Variants in GNG12 observed in about 807,000 individuals in gnomAD.
The protein encoded by GNG12 is guanine nucleotide-binding protein G(I)/G(S)/G(O) subunit gamma-12.
For missense variants in GNG12, 69 were observed against 83.8 expected, an observed-to-expected ratio of 0.82 and a Z score of 0.69; for synonymous variants, 28 against 29.7, an observed-to-expected ratio of 0.94 and a Z score of 0.19.
chr1:67,797,684 C>T (rs960073747), intron 1 of GNG12, among the ~76,000 whole-genome samples: 1 of 152,204 alleles, frequency 6.6e-6, no homozygotes, highest in Admixed American at 6.5e-5. Flanking sequence ...ACTCTCTACA[C>T]TTTGCCAGAA....
intron 1 of GNG12, chr1:67,832,443 TATGA>T (rs1461256187): frequency 1.3e-5 from 2 of 152,156 alleles, no homozygotes; most frequent in African/African-American, 4.8e-5. Flanking sequence ...TATCGTGAGT[TATGA>T]ATGATTTAAG....
At chr1:67,718,410 A>G (rs1276916644) in intron 2 of GNG12, among the ~76,000 whole-genome samples, 4 of 152,188 alleles carry the variant, frequency 2.6e-5, no homozygotes, top group Non-Finnish European at 4.4e-5. Context: ...GAAAAAACTG[A>G]TATGTAATCA....
At position 67,747,995 on chromosome 1, in the gene GNG12, G is replaced by A. The variant is rs559017089; in HGVS notation, c.-27+29463C>T. ...GTGGGGCACAGTTCTATTCACTGGGGCAAAGTGGGAACCCAAAAGAGGGTG... is the reference window on the plus strand; with the variant it reads ...GTGGGGCACAGTTCTATTCACTGGGACAAAGTGGGAACCCAAAAGAGGGTG... On this transcript the variant is annotated intron_variant, in intron 2 of 3. Transcript: ENST00000370982. Among the ~76,000 whole-genome samples the A allele has an allele frequency of 6.2e-4, 95 of 152,322 alleles. 1 individual carries two copies. The Middle Eastern group carries it at 0.01, about 16-fold the overall frequency.
chr1:67,790,174 T>A lies in GNG12; in HGVS notation c.-76-12667A>T, dbSNP rs200975366. ...GACAATTCTGAAGAAAACCAGCATATCCAGTACAACCCACCTGTTCTTATA... is the reference window on the plus strand; with the variant it reads ...GACAATTCTGAAGAAAACCAGCATAACCAGTACAACCCACCTGTTCTTATA... On this transcript the variant is annotated intron_variant, in intron 1 of 3. Transcript: ENST00000370982. 5.9e-5 allele frequency among the ~76,000 whole-genome samples: 9 copies of A among 152,114 alleles called. No homozygotes were observed. In the East Asian group the frequency reaches 1.7e-3, roughly 29 times the overall value.
At chr1:67,716,506 A>T (rs1168389665) in intron 2 of GNG12, among the ~76,000 whole-genome samples, 1 of 152,230 alleles carries the variant, frequency 6.6e-6, no homozygotes, top group Non-Finnish European at 1.5e-5. Flanking sequence ...GATGAATCCT[A>T]TTATTTCTGT....
At chr1:67,736,146 C>G (rs1646450970) in intron 2 of GNG12, among the ~76,000 whole-genome samples, 1 of 152,130 alleles carries the variant, frequency 6.6e-6, no homozygotes, top group Non-Finnish European at 1.5e-5. Flanking sequence ...TGCCATTTCA[C>G]TTGCAGGAAC....
chr1:67,724,100 G>A (rs1646372079), intron 2 of GNG12, among the ~76,000 whole-genome samples: 4 of 152,166 alleles, frequency 2.6e-5, no homozygotes, highest in Admixed American at 2.6e-4. Context: ...AAACTTTCAG[G>A]GGCAGGAGGG....
intron 1 of GNG12, among the ~76,000 whole-genome samples, chr1:67,780,829 A>G (rs1050325996): frequency 6.6e-6 from 1 of 152,178 alleles, no homozygotes; most frequent in Non-Finnish European, 1.5e-5. Flanking sequence ...TTGACTTTGC[A>G]TGTAGAACTA....
At chr1:67,780,444 G>A (rs74503975) in intron 1 of GNG12, among the ~76,000 whole-genome samples, 2 of 152,036 alleles carry the variant, frequency 1.3e-5, no homozygotes, top group Non-Finnish European at 2.9e-5. Flanking sequence ...CCATTTATTG[G>A]TTTCTCCCCC....
chr1:67,811,371 TAC>T lies in GNG12; in HGVS notation c.-77+21971_-77+21972del, dbSNP rs575714933. 5.3e-5 allele frequency among the ~76,000 whole-genome samples: 8 copies of T among 152,226 alleles called. No individual in the cohort carries two copies. The South Asian group carries it at 1.7e-3, about 32-fold the overall frequency. On this transcript the variant is annotated intron_variant, in intron 1 of 3. Transcript: ENST00000370982. ...AATGCTCTTTGGCCATTAGAGATAC[TAC>T]AATTTTTGGTGGCACCATTGACAGA...
At position 67,740,207 on chromosome 1, in the gene GNG12, C is replaced by T. The variant is rs1186685995; in HGVS notation, c.-26-32495G>A. Among the ~76,000 whole-genome samples the T allele has an allele frequency of 5.9e-5, 9 of 152,186 alleles. No homozygotes were observed. The East Asian group carries it at 1.7e-3, about 29-fold the overall frequency. ...ATATACAAAGTGCATAAAGAATGAG[C>T]AGAACATACACAAATGAATTAATTC... On this transcript the variant is annotated intron_variant, in intron 2 of 3. Coordinates refer to ENST00000370982, the MANE Select transcript of GNG12 (RefSeq NM_018841.6).
At chr1:67,806,922 C>A (rs1646897110) in intron 1 of GNG12, among the ~76,000 whole-genome samples, 1 of 152,068 alleles carries the variant, frequency 6.6e-6, no homozygotes, top group Non-Finnish European at 1.5e-5. Context: ...AATGGCACTA[C>A]CCATCAATTG....
At chr1:67,731,182 G>A (rs1646417059) in intron 2 of GNG12, among the ~76,000 whole-genome samples, 2 of 151,878 alleles carry the variant, frequency 1.3e-5, no homozygotes, top group Non-Finnish European at 2.9e-5. Flanking sequence ...TCTAGGGCCT[G>A]TCAGGTCACC....
intron 2 of GNG12, among the ~76,000 whole-genome samples, chr1:67,772,859 A>G (rs1348833767): frequency 4.6e-5 from 7 of 152,228 alleles, no homozygotes; most frequent in Admixed American, 4.6e-4. Context: ...GTATGGCAAA[A>G]GAGGCACCCA....
chr1:67,799,171 A>C lies in GNG12; in HGVS notation c.-76-21664T>G, dbSNP rs541979474. 6.6e-5 allele frequency among the ~76,000 whole-genome samples: 10 copies of C among 152,294 alleles called. No homozygotes were observed. The East Asian group carries it at 1.9e-3, about 29-fold the overall frequency. ...GTTTTTGAAGAGCCAAAAGTTATACATACATTTTCGATTGCATGGGGGTTG... is the reference window on the plus strand; with the variant it reads ...GTTTTTGAAGAGCCAAAAGTTATACCTACATTTTCGATTGCATGGGGGTTG... On this transcript the variant is annotated intron_variant, in intron 1 of 3. Transcript: ENST00000370982.
At chr1:67,817,787 C>CTTTTTTTTT (rs66518207) in intron 1 of GNG12, among the ~76,000 whole-genome samples, 9 of 108,252 alleles carry the variant, frequency 8.3e-5, no homozygotes, top group East Asian at 5.2e-4. Flanking sequence ...TTCTTTCTTT[C>CTTTTTTTTT]TTTTTTTTTT....
At chr1:67,770,450 T>C (rs1332912099) in intron 2 of GNG12, among the ~76,000 whole-genome samples, 4 of 152,220 alleles carry the variant, frequency 2.6e-5, no homozygotes, top group African/African-American at 4.8e-5. Flanking sequence ...TACTGTCCCC[T>C]TGCCCCATGG....
intron 2 of GNG12, among the ~76,000 whole-genome samples, chr1:67,712,482 A>G (rs1226483308): frequency 6.6e-6 from 1 of 152,218 alleles, no homozygotes; most frequent in Admixed American, 6.5e-5. Context: ...CTTGAGTCCA[A>G]GAGTTTGAGA....
intron 2 of GNG12, among the ~76,000 whole-genome samples, chr1:67,732,696 T>C (rs1179688725): frequency 1.3e-5 from 2 of 152,222 alleles, no homozygotes; most frequent in Non-Finnish European, 2.9e-5. Flanking sequence ...CTGGCTAGCA[T>C]AAGAGGAAAC....
Sources: allele counts gnomAD v4.1 joint callset (sites outside exome capture counted in the v4.1 genomes callset), GRCh38; gene constraint gnomAD v4.1.1; transcripts MANE v1.5; gene names NCBI Gene and HGNC (gene_info 2026-07-23, HGNC 2026-07-21).